TRRAP: variants seen among roughly 807,000 people sequenced by gnomAD.
The protein encoded by TRRAP is transformation/transcription domain associated protein.
TRRAP carries 41 observed loss-of-function variants against 438.8 expected under a neutral mutation model. The ratio of observed to expected loss-of-function variants is 0.09; its 90% confidence interval spans 0.07 to 0.12. The LOEUF is 0.12. Ranked by LOEUF, TRRAP falls within the 10% of genes least tolerant of loss-of-function variation. TRRAP has a pLI of 1.00. For missense variants in TRRAP, 3,122 were observed against 5,055.1 expected (o/e 0.62, Z 11.60); for synonymous variants, 1,994 against 1,962.9 (o/e 1.02, Z -0.42).
intron 3 of TRRAP, among the ~76,000 whole-genome samples, chr7:98,883,558 A>G (rs1307118583): frequency 2.0e-5 from 3 of 152,198 alleles, no homozygotes; most frequent in East Asian, 1.9e-4. Flanking sequence ...ACTGTCATCC[A>G]GGCTGGAGTG....
chr7:98,905,319 G>T (rs573918920), intron 12 of TRRAP, among the ~76,000 whole-genome samples: 1 of 152,304 alleles, frequency 6.6e-6, no homozygotes, highest in East Asian at 1.9e-4. Context: ...GCACATTTCA[G>T]TGTCTGCATT....
chr7:99,002,485 AAAG>A, intron 67 of TRRAP, among the ~76,000 whole-genome samples: 1 of 152,192 alleles, frequency 6.6e-6, no homozygotes, highest in East Asian at 1.9e-4. Flanking sequence ...TAAAAGTTAA[AAAG>A]AGATCAGGCA....
intron 67 of TRRAP, chr7:98,998,941 G>T: frequency 1.8e-6 from 1 of 565,372 alleles, no homozygotes; most frequent in Non-Finnish European, 3.2e-6. Context: ...GGTACAGAAG[G>T]CAAAGTTACA....
chr7:98,955,300 T>G lies in TRRAP; in HGVS notation c.5933T>G (p.Phe1978Cys), dbSNP rs1349390655. The G allele has an allele frequency of 9.9e-6, 16 of 1,611,974 alleles. No homozygotes were observed. The Admixed American group carries it at 2.7e-4, about 27-fold the overall frequency. Residue 1978 changes from phenylalanine (F) to cysteine (C), a missense_variant, in exon 41 of 73, where the codon TTC becomes TGC. Transcript: ENST00000456197. Reference sequence around the variant, plus strand: ...ATTCTGCACCTGATAGTGCAACACTTCAAGGTGTGTAGGAGGGACGGTGGG... The same window carrying G: ...ATTCTGCACCTGATAGTGCAACACTGCAAGGTGTGTAGGAGGGACGGTGGG... ...VHILHLIVQH[F>C]KVYYPVRHHL...
rs200743198 is a variant in TRRAP at position 98,961,220 on chromosome 7, T to C, written c.6490-41T>C. 149 of 1,594,288 alleles carry C rather than the reference T, an allele frequency of 9.3e-5. No homozygotes were observed. In the East Asian group the frequency reaches 3.3e-3, roughly 35 times the overall value. Reference sequence around the variant, plus strand: ...GTTTCTAGAATTTGTTGTCATTGAGTGTTTGTTTCCTCTGTGAGTGGCCTG... The same window carrying C: ...GTTTCTAGAATTTGTTGTCATTGAGCGTTTGTTTCCTCTGTGAGTGGCCTG... On this transcript the variant is annotated intron_variant, in intron 45 of 72. Transcript: ENST00000456197.
chr7:98,954,681 G>A (rs1791513683), intron 40 of TRRAP, among the ~76,000 whole-genome samples: 1 of 152,088 alleles, frequency 6.6e-6, no homozygotes, highest in African/African-American at 2.4e-5. Flanking sequence ...ACCTCACATC[G>A]GGGCCTCACC....
intron 1 of TRRAP, among the ~76,000 whole-genome samples, chr7:98,880,247 TTTGTTG>T (rs1380050615): frequency 3.3e-5 from 4 of 120,010 alleles, no homozygotes; most frequent in African/African-American, 1.1e-4. Flanking sequence ...CTGCCTGCGT[TTTGTTG>T]TTGTTGTTGT....
intron 25 of TRRAP, 117 bp downstream of exon 25, chr7:98,930,947 C>T (rs1172112800): frequency 4.5e-5 from 59 of 1,324,640 alleles, no homozygotes; most frequent in Middle Eastern, 2.0e-4. Context: ...GACTTTGATA[C>T]TCAGATTTCA....
intron 20 of TRRAP, among the ~76,000 whole-genome samples, chr7:98,918,924 C>G (rs1789658328): frequency 6.7e-6 from 1 of 148,652 alleles, no homozygotes; most frequent in Non-Finnish European, 1.5e-5. Flanking sequence ...GGCATGGTAG[C>G]AAGCCCCCTG....
In TRRAP at chr7:98,964,671, G is replaced by A. The variant is rs199827128; in HGVS notation, c.6872G>A (p.Ser2291Asn). 1.4e-4 allele frequency: 218 copies of A among 1,614,060 alleles called. 1 individual carries two copies. Among genetic ancestry groups the A allele is most frequent in the Non-Finnish European group, 1.8e-4 (208 of 1,179,996 alleles). ...AAGTCTGCCTGCAGCAACAACCCCA[G>A]CTACATAGACAGGCTGATCTCCGTC... is the stretch of plus-strand genomic sequence containing the variant. The part of the protein sequence containing the change: ...ILKSACSNNP[S>N]YIDRLISVFM... Residue 2291 changes from serine to asparagine, a missense_variant, in exon 48 of 73, where the codon AGC becomes AAC. Coordinates refer to ENST00000456197, the MANE Select transcript of TRRAP (RefSeq NM_001375524.1).
intron 22 of TRRAP, among the ~76,000 whole-genome samples, chr7:98,926,776 G>A (rs1017371734): frequency 2.2e-4 from 33 of 151,838 alleles, no homozygotes; most frequent in Admixed American, 8.5e-4. Flanking sequence ...AGGCTGAGGC[G>A]GGGGTGGGTC....
At chr7:98,957,155 G>A (rs1348702975) in intron 43 of TRRAP, among the ~76,000 whole-genome samples, 1 of 152,118 alleles carries the variant, frequency 6.6e-6, no homozygotes, top group Non-Finnish European at 1.5e-5. Flanking sequence ...ATCTGGTCCG[G>A]AGCAAGTCTC....
At chr7:98,905,173 C>T (rs1026690710) in intron 12 of TRRAP, among the ~76,000 whole-genome samples, 1 of 152,144 alleles carries the variant, frequency 6.6e-6, no homozygotes, top group Non-Finnish European at 1.5e-5. Context: ...GTGCCTCCTT[C>T]ATCTTGGCCA....
At chr7:98,932,688 A>G (rs185017537) in intron 26 of TRRAP, among the ~76,000 whole-genome samples, 33 of 152,284 alleles carry the variant, frequency 2.2e-4, no homozygotes, top group African/African-American at 7.2e-4. Context: ...TCTCCCATAT[A>G]CTTTAAATTA....
intron 11 of TRRAP, 21 bp from the exon 12 acceptor site, chr7:98,903,358 C>A: frequency 6.2e-7 from 1 of 1,613,570 alleles, no homozygotes; most frequent in South Asian, 1.1e-5. Flanking sequence ...GTAACTGTGT[C>A]ATCTCACTCT....
intron 69 of TRRAP, among the ~76,000 whole-genome samples, chr7:99,006,286 C>A (rs1400248237): frequency 6.6e-6 from 1 of 152,196 alleles, no homozygotes; most frequent in Non-Finnish European, 1.5e-5. Context: ...ATGGAACTTT[C>A]TTTTGCCACC....
At chr7:98,904,087 G>A (rs573404026) in intron 12 of TRRAP, among the ~76,000 whole-genome samples, 116 of 152,184 alleles carry the variant, frequency 7.6e-4, no homozygotes, top group African/African-American at 2.6e-3. Flanking sequence ...TGGGACTACT[G>A]GTGTGAGCCA....
At position 99,011,376 on chromosome 7, in the gene TRRAP, T is replaced by G; in HGVS notation, c.11178T>G (p.Phe3726Leu). The change falls in exon 72 of 73, where the codon TTT becomes TTG. Residue 3726 changes from phenylalanine (F) to leucine (L), a missense_variant. Around this residue, in one of 24 missense-constraint regions of TRRAP, gnomAD observed 192 missense variants for 355.6 expected, o/e 0.54. Transcript: ENST00000456197. The surrounding 1 kb of genome is among the most constrained non-coding windows in gnomAD (Gnocchi z 7.1). ...AACTGAATGTTGCCTACTTTCGATTTGACATAAACGACGCGACTGGAGACC... is the reference window on the plus strand; with the variant it reads ...AACTGAATGTTGCCTACTTTCGATTGGACATAAACGACGCGACTGGAGACC... ...TGKLNVAYFR[F>L]DINDATGDLD... The G allele has an allele frequency of 6.2e-7, 1 of 1,614,184 alleles. No homozygotes were observed. Among genetic ancestry groups the G allele is most frequent in the Non-Finnish European group, 8.5e-7 (1 of 1,180,020 alleles).
intron 46 of TRRAP, among the ~76,000 whole-genome samples, chr7:98,961,793 C>T (rs1018305211): frequency 1.3e-5 from 2 of 152,172 alleles, no homozygotes; most frequent in Non-Finnish European, 2.9e-5. Flanking sequence ...GTGGCACGCA[C>T]CTGTAATCCC....
Sources: allele counts gnomAD v4.1 joint callset (sites outside exome capture counted in the v4.1 genomes callset), GRCh38; gene constraint gnomAD v4.1.1; regional missense constraint gnomAD v4.1.1; non-coding constraint Gnocchi (gnomAD v3.1); transcripts MANE v1.5; gene names NCBI Gene and HGNC (gene_info 2026-07-23, HGNC 2026-07-21).